The following NREP variants were observed in gnomAD, a reference collection of about 807,000 sequenced individuals.
NREP encodes the protein neuronal regeneration related protein, also known as neuronal regeneration-related protein.
Under a neutral mutation model 8.6 loss-of-function variants are expected in NREP, and 5 were observed. That is an observed-to-expected ratio of 0.58 (90% CI 0.30 to 1.22). The LOEUF (loss-of-function observed/expected upper bound fraction) is 1.22, where lower values mean the gene tolerates loss of function less well. Ranked by LOEUF, NREP falls within the 50% of genes most tolerant of loss-of-function variation. The pLI is 0.07. For synonymous variants in NREP, 27 were observed against 28.0 expected, an observed-to-expected ratio of 0.96 and a Z score of 0.11; for missense variants, 86 against 82.5, an observed-to-expected ratio of 1.04 and a Z score of -0.17.
chr5:111,880,565 G>A (rs948818971), intron 2 of NREP, among the ~76,000 whole-genome samples: 2 of 151,966 alleles, frequency 1.3e-5, no homozygotes, highest in Non-Finnish European at 2.9e-5. Flanking sequence ...CTTTTTATAA[G>A]AACATCAGTC....
chr5:111,971,211 A>T (rs1756807412), intron 2 of NREP, among the ~76,000 whole-genome samples: 1 of 152,224 alleles, frequency 6.6e-6, no homozygotes, highest in Non-Finnish European at 1.5e-5. Context: ...TTTGTTGATG[A>T]TCTACTTCTT....
intron 2 of NREP, among the ~76,000 whole-genome samples, chr5:111,750,718 TAGA>T (rs1378891829): frequency 6.6e-6 from 1 of 152,242 alleles, no homozygotes; most frequent in African/African-American, 2.4e-5. Flanking sequence ...AAGTGAAGGC[TAGA>T]AAGTTCCAAT....
intron 2 of NREP, among the ~76,000 whole-genome samples, chr5:111,767,724 G>A (rs255887): frequency 0.058 from 8,818 of 152,166 alleles, 376 homozygotes; most frequent in East Asian, 0.19. Flanking sequence ...AGAGTGCAGT[G>A]GCACAATCAC....
intron 2 of NREP, among the ~76,000 whole-genome samples, chr5:111,868,581 T>C (rs1753718425): frequency 6.6e-6 from 1 of 152,206 alleles, no homozygotes; most frequent in Non-Finnish European, 1.5e-5. Context: ...ATATAGCCAT[T>C]GATAACAATG....
At chr5:111,748,774 A>G (rs937940652) in intron 2 of NREP, among the ~76,000 whole-genome samples, 39 of 152,162 alleles carry the variant, frequency 2.6e-4, no homozygotes, top group African/African-American at 9.4e-4. Flanking sequence ...AAAAGGCATC[A>G]CAGCCTCAAC....
intron 2 of NREP, among the ~76,000 whole-genome samples, chr5:111,811,139 TTCTG>T (rs1752260350): frequency 6.6e-6 from 1 of 152,166 alleles, no homozygotes; most frequent in Non-Finnish European, 1.5e-5. Context: ...TTAACATCAC[TTCTG>T]TCTTATGCCT....
At chr5:111,855,240 A>G (rs937379945) in intron 2 of NREP, among the ~76,000 whole-genome samples, 2 of 152,234 alleles carry the variant, frequency 1.3e-5, no homozygotes, top group Non-Finnish European at 2.9e-5. Context: ...CAGACTGCCT[A>G]CCAACGCTTA....
At chr5:111,774,513 A>G (rs147786746) in intron 2 of NREP, among the ~76,000 whole-genome samples, 128 of 152,264 alleles carry the variant, frequency 8.4e-4, no homozygotes, top group Non-Finnish European at 1.5e-3. Context: ...ACCTCCCTTC[A>G]GCTGCAGCAA....
chr5:111,832,815 T>C (rs1054657628), intron 2 of NREP, among the ~76,000 whole-genome samples: 29 of 152,208 alleles, frequency 1.9e-4, no homozygotes, highest in Admixed American at 5.9e-4. Flanking sequence ...TACGCAGTCA[T>C]TCCATGGTAG....
intron 2 of NREP, among the ~76,000 whole-genome samples, chr5:111,935,250 G>T (rs1362745432): frequency 2.6e-5 from 4 of 152,090 alleles, no homozygotes; most frequent in Non-Finnish European, 5.9e-5. Context: ...CAATTGATGA[G>T]CACAGAGAGA....
At chr5:111,796,444 A>T (rs1309769249) in intron 2 of NREP, among the ~76,000 whole-genome samples, 1 of 152,204 alleles carries the variant, frequency 6.6e-6, no homozygotes, top group Non-Finnish European at 1.5e-5. Flanking sequence ...TTAGGGGATC[A>T]TTATTCTACC....
intron 2 of NREP, among the ~76,000 whole-genome samples, chr5:111,890,103 G>C (rs1039742670): frequency 1.3e-5 from 2 of 152,138 alleles, no homozygotes. Flanking sequence ...TCAGAGACCC[G>C]ACAGGTACAA....
chr5:111,852,108 G>C (rs1166458803), intron 2 of NREP, among the ~76,000 whole-genome samples: 2 of 152,268 alleles, frequency 1.3e-5, no homozygotes, highest in African/African-American at 2.4e-5. Flanking sequence ...GAGGGAACTA[G>C]CTTAGGTCCT....
rs543395970 is a variant in NREP, at chr5:111,854,716, A to G, written c.136-119209T>C. ...TTCATTGCGTAAGTGAAACATGAAA[A>G]TGAATAATAAAACATGAAAAAAACT... On this transcript the variant is annotated intron_variant, in intron 2 of 3. Transcript: ENST00000395634. 3.9e-5 allele frequency among the ~76,000 whole-genome samples: 6 copies of G among 152,300 alleles called. No homozygotes were observed. In the South Asian group the frequency reaches 1.2e-3, roughly 32 times the overall value.
At chr5:111,876,950 G>A (rs1753924599) in intron 2 of NREP, among the ~76,000 whole-genome samples, 1 of 152,094 alleles carries the variant, frequency 6.6e-6, no homozygotes, top group African/African-American at 2.4e-5. Context: ...TGTAAACCCA[G>A]GCAGTCTGTG....
chr5:111,757,658 C>A (rs1750817642), upstream of NREP: 7 of 983,362 alleles, frequency 7.1e-6, no homozygotes, highest in Non-Finnish European at 8.4e-6. Context: ...CCCCGCTCGC[C>A]GCGCCGTCCC....
At chr5:111,757,298 G>T, upstream of NREP, 1 of 650,078 alleles carries the variant, frequency 1.5e-6, no homozygotes, top group Non-Finnish European at 1.9e-6. Context: ...GGGAGGAGGG[G>T]GAAGGGAAAC....
intron 2 of NREP, among the ~76,000 whole-genome samples, chr5:111,770,754 G>T (rs746238015): frequency 2.0e-5 from 3 of 151,642 alleles, no homozygotes; most frequent in Non-Finnish European, 4.4e-5. Flanking sequence ...ATTTTTTGTA[G>T]AGACAGGGTC....
chr5:111,970,017 T>C (rs947144401), intron 2 of NREP, among the ~76,000 whole-genome samples: 1 of 152,224 alleles, frequency 6.6e-6, no homozygotes, highest in Non-Finnish European at 1.5e-5. Flanking sequence ...AATAGAATTA[T>C]AGGGGAAATT....
Sources: gnomAD v4.1 joint callset for allele counts (sites outside exome capture counted in the v4.1 genomes callset) on GRCh38, gnomAD v4.1.1 for gene constraint, MANE v1.5 for transcripts, NCBI Gene and HGNC (gene_info 2026-07-23, HGNC 2026-07-21) for gene names.